The following CAST variants were observed in gnomAD, a reference collection of about 807,000 sequenced individuals.
CAST encodes the protein MIR583 host.
CAST carries 76 observed loss-of-function variants against 119.6 expected under a neutral mutation model. The observed-to-expected ratio is 0.64, with a 90% CI of 0.53 to 0.77. The LOEUF (loss-of-function observed/expected upper bound fraction) is 0.77, where lower values mean the gene tolerates loss of function less well. Ranked by LOEUF, CAST falls within the 30% of genes least tolerant of loss-of-function variation. The probability of loss-of-function intolerance (pLI) is 0.00; values close to 1 mark genes in which losing one functional copy is unlikely to be tolerated. For missense variants in CAST, 953 were observed against 946.5 expected (o/e 1.01, Z -0.09); for synonymous variants, 319 against 331.6 (o/e 0.96, Z 0.41).
chr5:96,739,496 T>C (rs781338662), intron 11 of CAST, among the ~76,000 whole-genome samples: 2 of 152,236 alleles, frequency 1.3e-5, no homozygotes, highest in African/African-American at 2.4e-5. Context: ...TTGGAAAATA[T>C]GCAAAGTAAT....
At chr5:96,615,866 C>G (rs1177832001) in intron 1 of CAST, among the ~76,000 whole-genome samples, 3 of 152,050 alleles carry the variant, frequency 2.0e-5, no homozygotes, top group Non-Finnish European at 2.9e-5. Context: ...AGTATTAACT[C>G]ACATGGTCAC....
chr5:96,353,014 T>G, the CAST span, among the ~76,000 whole-genome samples: 1 of 152,146 alleles, frequency 6.6e-6, no homozygotes, highest in Non-Finnish European at 1.5e-5. Context: ...CTCAGGTAGT[T>G]CTTTACAGTA....
the CAST span, among the ~76,000 whole-genome samples, chr5:96,484,042 GTAC>G: frequency 5.9e-5 from 9 of 152,094 alleles, no homozygotes; most frequent in Non-Finnish European, 1.0e-4. Flanking sequence ...CTACCTTCTT[GTAC>G]TCCAAACTTC....
the CAST span, among the ~76,000 whole-genome samples, chr5:96,406,334 C>G: frequency 2.0e-5 from 3 of 152,170 alleles, no homozygotes; most frequent in African/African-American, 7.2e-5. Flanking sequence ...TGATGCCAGT[C>G]TCAGCTTGTG....
At chr5:96,600,463 CA>C (rs886271453) in intron 1 of CAST, among the ~76,000 whole-genome samples, 1 of 151,988 alleles carries the variant, frequency 6.6e-6, no homozygotes, top group East Asian at 1.9e-4. Context: ...AATTCATAGA[CA>C]AAAAATCATT....
chr5:96,621,665 A>G (rs1747608036), intron 1 of CAST, among the ~76,000 whole-genome samples: 1 of 152,160 alleles, frequency 6.6e-6, no homozygotes, highest in Admixed American at 6.5e-5. Flanking sequence ...CCCTCCACAC[A>G]TGGGGATTAT....
At chr5:96,461,200 C>T in the CAST span, among the ~76,000 whole-genome samples, 1 of 152,230 alleles carries the variant, frequency 6.6e-6, no homozygotes. Flanking sequence ...TACTTCATCC[C>T]TTTTTATGAC....
intron 1 of CAST, among the ~76,000 whole-genome samples, chr5:96,535,679 T>C (rs1745797656): frequency 6.7e-6 from 1 of 149,766 alleles, no homozygotes; most frequent in African/African-American, 2.5e-5. Context: ...GTTAACGCCA[T>C]TCTCCTGCCT....
the CAST span, among the ~76,000 whole-genome samples, chr5:96,469,869 AT>A: frequency 9.5e-6 from 1 of 105,794 alleles, no homozygotes; most frequent in Admixed American, 9.3e-5. Flanking sequence ...GTGTGTGTAT[AT>A]ATATATATAA....
At chr5:96,645,294 C>T (rs1748001018) in intron 1 of CAST, among the ~76,000 whole-genome samples, 1 of 152,162 alleles carries the variant, frequency 6.6e-6, no homozygotes, top group African/African-American at 2.4e-5. Flanking sequence ...CTTCTTGTCA[C>T]ATTCCACATG....
At chr5:96,312,931 C>T in the CAST span, among the ~76,000 whole-genome samples, 9 of 152,054 alleles carry the variant, frequency 5.9e-5, no homozygotes, top group Admixed American at 5.2e-4. Flanking sequence ...ACCTCTCTAG[C>T]TTCAGAGACG....
the CAST span, among the ~76,000 whole-genome samples, chr5:96,140,994 A>G: frequency 6.6e-6 from 1 of 152,242 alleles, no homozygotes; most frequent in Non-Finnish European, 1.5e-5. Flanking sequence ...TAGTTAACAT[A>G]TAGTGGGATT....
chr5:96,190,376 A>G, the CAST span, among the ~76,000 whole-genome samples: 1 of 152,178 alleles, frequency 6.6e-6, no homozygotes, highest in Admixed American at 6.5e-5. Context: ...TTAATGAAGG[A>G]CATTGAGTGA....
the CAST span, among the ~76,000 whole-genome samples, chr5:96,453,903 A>G: frequency 6.6e-6 from 1 of 152,206 alleles, no homozygotes; most frequent in Non-Finnish European, 1.5e-5. Context: ...GAAGAAAAAA[A>G]AAGAGAAAAA....
At chr5:96,484,809 T>C in the CAST span, among the ~76,000 whole-genome samples, 1 of 152,142 alleles carries the variant, frequency 6.6e-6, no homozygotes, top group Non-Finnish European at 1.5e-5. Flanking sequence ...ATTCCTGCTC[T>C]GCCAATTAAT....
At chr5:96,300,529 G>C in the CAST span, among the ~76,000 whole-genome samples, 10 of 151,558 alleles carry the variant, frequency 6.6e-5, no homozygotes, top group African/African-American at 2.4e-4. Flanking sequence ...AAATCAAGTA[G>C]TGTGATGCTT....
chr5:96,281,059 G>A, the CAST span, among the ~76,000 whole-genome samples: 3 of 152,154 alleles, frequency 2.0e-5, no homozygotes, highest in Admixed American at 2.0e-4. Flanking sequence ...AGACCTCTCT[G>A]TCTCTTGAGA....
At chr5:96,362,593 A>AG in the CAST span, among the ~76,000 whole-genome samples, 1 of 152,176 alleles carries the variant, frequency 6.6e-6, no homozygotes, top group African/African-American at 2.4e-5. Flanking sequence ...AGTGATGATG[A>AG]GCATTTTTTC....
At chr5:96,426,512 C>T in the CAST span, among the ~76,000 whole-genome samples, 702 of 152,230 alleles carry the variant, frequency 4.6e-3, 6 homozygotes, top group South Asian at 0.014. Flanking sequence ...GATGAATGAG[C>T]ACTACTGACC....
Sources: gnomAD v4.1 joint callset for allele counts (sites outside exome capture counted in the v4.1 genomes callset) on GRCh38, gnomAD v4.1.1 for gene constraint, MANE v1.5 for transcripts, NCBI Gene and HGNC (gene_info 2026-07-23, HGNC 2026-07-21) for gene names.